Variants in TEX10 observed in about 807,000 individuals in gnomAD.
The protein encoded by TEX10 is testis expressed 10, also known as testis-expressed protein 10.
Under a neutral mutation model 104.4 loss-of-function variants are expected in TEX10, and 24 were observed. That is an observed-to-expected ratio of 0.23 (90% CI 0.17 to 0.32). The LOEUF is 0.32. Ranked by LOEUF, TEX10 falls within the 10% of genes least tolerant of loss-of-function variation. The pLI, the probability that TEX10 is intolerant of heterozygous loss-of-function variation, is 1.00. For missense variants in TEX10, 921 were observed against 1,083.9 expected (o/e 0.85, Z 2.11); for synonymous variants, 396 against 393.4 (o/e 1.01, Z -0.08).
At chr9:100,347,774 T>C (rs1665046075) in intron 2 of TEX10, among the ~76,000 whole-genome samples, 1 of 152,186 alleles carries the variant, frequency 6.6e-6, no homozygotes, top group Non-Finnish European at 1.5e-5. Flanking sequence ...CTGTTTCAAA[T>C]GGGCTTTCAC....
chr9:100,316,894 T>TAAAAAAAAA (rs35651841), intron 11 of TEX10, among the ~76,000 whole-genome samples: 14 of 53,370 alleles, frequency 2.6e-4, no homozygotes, highest in East Asian at 6.7e-4. Context: ...TTATAATAGC[T>TAAAAAAAAA]AAAAAAAAAA....
At chr9:100,312,976 A>G (rs1834316267) in intron 11 of TEX10, among the ~76,000 whole-genome samples, 1 of 152,208 alleles carries the variant, frequency 6.6e-6, no homozygotes, top group Non-Finnish European at 1.5e-5. Flanking sequence ...AGATAGGAAG[A>G]ACATGAAGGT....
chr9:100,347,379 T>C lies in TEX10; in HGVS notation c.208A>G (p.Asn70Asp). 1.3e-6 allele frequency: 2 copies of C among 1,595,172 alleles called. No individual in the cohort carries two copies. The highest frequency in any genetic ancestry group is 1.1e-5 in the South Asian group (1 of 88,604). Residue 70 changes from asparagine (N) to aspartate (D), a missense_variant, in exon 3 of 15, where the codon AAT becomes GAT. Asn to Asp is a conservative substitution (Grantham distance 23, BLOSUM62 1). This residue lies in a region of TEX10 where 118 missense variants were observed against 111.3 expected (regional missense o/e 1.06). Transcript: ENST00000374902. ...KDLLSQMHHY[N>D]AGVKQSALLG... ...AGAGCACTTTGTTTAACCCCAGCAT[T>C]GTAGTGATGCATCTGTGACAGCAAA...
At chr9:100,323,920 G>A (rs1834638921) in intron 9 of TEX10, among the ~76,000 whole-genome samples, 1 of 152,198 alleles carries the variant, frequency 6.6e-6, no homozygotes, top group Non-Finnish European at 1.5e-5. Flanking sequence ...AAGAGTATAA[G>A]TGGGAAATAA....
At chr9:100,305,679 A>G (rs1834126350) in intron 13 of TEX10, 1 of 152,236 alleles carries the variant, frequency 6.6e-6, no homozygotes, top group African/African-American at 2.4e-5. Flanking sequence ...AGAAACTATA[A>G]TGAAATTCAT....
rs904894968 is a variant in TEX10 at position 100,332,754 on chromosome 9, G to A, written c.1251-2585C>T. Among the ~76,000 whole-genome samples the A allele has an allele frequency of 2.6e-5, 4 of 151,876 alleles. 1 individual carries two copies. The highest frequency in any genetic ancestry group is 5.9e-5 in the Non-Finnish European group (4 of 67,996). On this transcript the variant is annotated intron_variant, in intron 5 of 14. Coordinates refer to ENST00000374902, the MANE Select transcript of TEX10 (RefSeq NM_017746.4). The stretch of plus-strand genomic sequence containing the variant: ...GAGAATAGCGTGAACCCGGGAGGTG[G>A]AGCTTGCAGTGAGCCGAGATCATGC...
At position 100,337,019 on chromosome 9, in the gene TEX10, G is replaced by A. The variant is rs974363989; in HGVS notation, c.1250+3238C>T. ...TTTTTTCCCATTTATATCTCAGCAC[G>A]CTGTCACTTCCATCAGGGCAGCCTT... On this transcript the variant is annotated intron_variant, in intron 5 of 14. Transcript: ENST00000374902. Among the ~76,000 whole-genome samples, 41 of 151,974 alleles carry A rather than the reference G, an allele frequency of 2.7e-4. 1 individual carries two copies. Among genetic ancestry groups the A allele is most frequent in the African/African-American group, 8.5e-4 (35 of 41,346 alleles).
chr9:100,350,450 T>G (rs1835412421), intron 1 of TEX10, among the ~76,000 whole-genome samples: 1 of 152,166 alleles, frequency 6.6e-6, no homozygotes, highest in Admixed American at 6.5e-5. Flanking sequence ...TGTGGCCCCA[T>G]CCATCCTCTC....
chr9:100,305,612 C>A (rs1834124281), intron 13 of TEX10: 1 of 151,464 alleles, frequency 6.6e-6, no homozygotes, highest in African/African-American at 2.4e-5. Context: ...TAACCACAGA[C>A]CTTAAAAAAA....
At chr9:100,349,497 G>T (rs750158265) in intron 1 of TEX10, 125 bp from the exon 2 acceptor site, 2 of 604,500 alleles carry the variant, frequency 3.3e-6, no homozygotes, top group Non-Finnish European at 2.6e-6. Flanking sequence ...TGATTATGCT[G>T]AAAGATCAAA....
chr9:100,339,294 T>C (rs190256545), intron 5 of TEX10, among the ~76,000 whole-genome samples: 383 of 125,166 alleles, frequency 3.1e-3, no homozygotes, highest in African/African-American at 0.011. Context: ...TATATATACA[T>C]ATATATATAC....
Position 100,346,191 on chromosome 9 carries a change from G to A in TEX10, c.1018C>T (p.Leu340=). 2 of 1,614,072 alleles carry A rather than the reference G, an allele frequency of 1.2e-6. No homozygotes were observed. The highest frequency in any genetic ancestry group is 8.5e-7 in the Non-Finnish European group (1 of 1,179,968). The part of the protein sequence containing the change: ...ECWVEAVPPQ[L]ATPVGNGIER... ...ATACCATTCCCAACAGGAGTAGCTA[G>A]TTGTGGAGGTACAGCTTCAACCCAG... Residue 340 remains leucine (L), a synonymous_variant, in exon 4 of 15, where the codon CTA becomes TTA. Coordinates refer to ENST00000374902, the MANE Select transcript of TEX10 (RefSeq NM_017746.4).
chr9:100,322,519 C>G lies in TEX10; in HGVS notation c.1980-748G>C, dbSNP rs117295403. Among the ~76,000 whole-genome samples the G allele has an allele frequency of 2.1e-3, 317 of 152,222 alleles. 1 individual carries two copies. The highest frequency in any genetic ancestry group is 3.6e-3 in the Non-Finnish European group (248 of 67,998). Reference sequence around the variant, plus strand: ...TTATACTAAAAATTTTTATCACAGACAACTGAATAAATATCAAACAAAATT... The same window carrying G: ...TTATACTAAAAATTTTTATCACAGAGAACTGAATAAATATCAAACAAAATT... On this transcript the variant is annotated intron_variant, in intron 9 of 14. Coordinates refer to ENST00000374902, the MANE Select transcript of TEX10 (RefSeq NM_017746.4).
chr9:100,340,554 A>G (rs1835147619), intron 4 of TEX10, among the ~76,000 whole-genome samples, 185 bp from the exon 5 acceptor site: 1 of 152,242 alleles, frequency 6.6e-6, no homozygotes, highest in East Asian at 1.9e-4. Flanking sequence ...TTTCATCTAT[A>G]GATCCTTTTG....
intron 2 of TEX10, 60 bp downstream of exon 2, chr9:100,349,124 T>C (rs1835375371): frequency 1.4e-6 from 2 of 1,383,752 alleles, no homozygotes; most frequent in South Asian, 1.8e-5. Flanking sequence ...CACAAAAATA[T>C]AACATTCTAC....
In TEX10 at chr9:100,351,090, T is replaced by C. The variant is rs1434510658; in HGVS notation, c.-10+1682A>G. Among the ~76,000 whole-genome samples, 9 of 152,106 alleles carry C rather than the reference T, an allele frequency of 5.9e-5. No individual in the cohort carries two copies. In the East Asian group the frequency reaches 7.7e-4, roughly 13 times the overall value. ...CATACCAAGCCCGGTACTAGATGCA[T>C]TGTGTACCTCAGTATACAATCTGCA... On this transcript the variant is annotated intron_variant, in intron 1 of 14. Transcript: ENST00000374902.
In TEX10 at chr9:100,329,264, T is replaced by C. The variant is rs188695025; in HGVS notation, c.1501A>G (p.Thr501Ala). The C allele has an allele frequency of 3.7e-6, 6 of 1,604,738 alleles. No homozygotes were observed. Among genetic ancestry groups the C allele is most frequent in the Non-Finnish European group, 5.1e-6 (6 of 1,178,032 alleles). Residue 501 changes from threonine to alanine, a missense_variant, in exon 7 of 15, where the codon ACT (threonine) becomes GCT (alanine). Physicochemically the swap from Thr to Ala is moderately conservative, Grantham distance 58. This residue lies in a region of TEX10 where 753 missense variants were observed against 868.4 expected (regional missense o/e 0.87). Transcript: ENST00000374902. ...AATGTATAAACTGCCTTAATAAGAG[T>C]CTCTGTGTCCTCTACAAACAGAAAG... is the stretch of plus-strand genomic sequence containing the variant. ...QIQPNREDTETLIKAVYTLYQ... is the reference protein window; with the variant it reads ...QIQPNREDTEALIKAVYTLYQ...
chr9:100,332,127 A>T (rs1284329799), intron 5 of TEX10, among the ~76,000 whole-genome samples: 1 of 152,232 alleles, frequency 6.6e-6, no homozygotes, highest in Non-Finnish European at 1.5e-5. Flanking sequence ...ACACTGGAAG[A>T]AGTCTGAGCT....
chr9:100,331,705 C>A (rs1225044977), intron 5 of TEX10, among the ~76,000 whole-genome samples: 1 of 152,118 alleles, frequency 6.6e-6, no homozygotes, highest in East Asian at 1.9e-4. Context: ...ATTGTGTAAG[C>A]AAGGGAATAA....
Sources: gnomAD v4.1 joint callset for allele counts (sites outside exome capture counted in the v4.1 genomes callset) on GRCh38, gnomAD v4.1.1 for gene constraint, gnomAD v4.1.1 regional missense constraint, MANE v1.5 for transcripts, NCBI Gene and HGNC (gene_info 2026-07-23, HGNC 2026-07-21) for gene names.